The following ANAPC10 variants were observed in gnomAD, a reference collection of about 807,000 sequenced individuals.
The protein encoded by ANAPC10 is anaphase promoting complex subunit 10.
Under a neutral mutation model 22.0 loss-of-function variants are expected in ANAPC10, and 12 were observed. The observed-to-expected ratio is 0.55, with a 90% CI of 0.35 to 0.88. The LOEUF is 0.88. Among genes scored for constraint, ANAPC10 ranks in the 40% least tolerant of loss-of-function variants. The pLI is 0.01. For synonymous variants in ANAPC10, 65 were observed against 69.5 expected (o/e 0.94, Z 0.32); for missense variants, 188 against 220.9 (o/e 0.85, Z 0.94).
chr4:145,012,174 GTGTA>G (rs763388211), intron 4 of ANAPC10, among the ~76,000 whole-genome samples: 7 of 133,458 alleles, frequency 5.2e-5, no homozygotes, highest in African/African-American at 1.1e-4. Context: ...ATGTGTGTGT[GTGTA>G]TATATATATA....
chr4:145,020,768 G>A (rs1181171108), intron 4 of ANAPC10, among the ~76,000 whole-genome samples: 1 of 151,664 alleles, frequency 6.6e-6, no homozygotes, highest in Non-Finnish European at 1.5e-5. Flanking sequence ...CAAATCAGTA[G>A]CTCTCCCATA....
chr4:145,079,385 C>G (rs1375524826), intron 3 of ANAPC10, among the ~76,000 whole-genome samples: 1 of 152,102 alleles, frequency 6.6e-6, no homozygotes, highest in African/African-American at 2.4e-5. Flanking sequence ...ATAACAGATG[C>G]TGGTGAAGTT....
chr4:145,029,937 G>A (rs987160195), intron 4 of ANAPC10, among the ~76,000 whole-genome samples: 3 of 152,170 alleles, frequency 2.0e-5, no homozygotes, highest in African/African-American at 4.8e-5. Flanking sequence ...ATCTAACGAT[G>A]AGAACCACGG....
At chr4:145,041,216 T>C (rs1405260479) in intron 4 of ANAPC10, among the ~76,000 whole-genome samples, 1 of 152,192 alleles carries the variant, frequency 6.6e-6, no homozygotes, top group Admixed American at 6.5e-5. Context: ...TGTCTAACAA[T>C]AGTTAAGGTG....
intron 4 of ANAPC10, among the ~76,000 whole-genome samples, chr4:145,015,188 A>C (rs182222605): frequency 6.6e-6 from 1 of 152,114 alleles, no homozygotes; most frequent in Non-Finnish European, 1.5e-5. Context: ...AATCCAAAAA[A>C]TGATACAAGA....
intron 4 of ANAPC10, among the ~76,000 whole-genome samples, chr4:145,052,832 G>C (rs1420255013): frequency 6.7e-6 from 1 of 149,670 alleles, no homozygotes; most frequent in Non-Finnish European, 1.5e-5. Context: ...AGGTTGCAGT[G>C]AGCCGAGATT....
At chr4:145,081,569 G>T (rs1254051980) in intron 3 of ANAPC10, 91 bp downstream of exon 3, 3 of 822,324 alleles carry the variant, frequency 3.6e-6, no homozygotes, top group African/African-American at 1.8e-5. Context: ...GTATTTCATT[G>T]TAATTTCTAT....
rs577657721 is a variant in ANAPC10, at chr4:144,999,858, T to C, written c.328-4255A>G. ...TGGTACTGATACCAAAACAGAGATA[T>C]AGACCAATGCAACAGAACAGAGGCC... On this transcript the variant is annotated intron_variant, in intron 4 of 4. Coordinates refer to ENST00000507656, the MANE Select transcript of ANAPC10 (RefSeq NM_001256706.2). Among the ~76,000 whole-genome samples, 20 of 152,214 alleles carry C rather than the reference T, an allele frequency of 1.3e-4. 1 individual carries two copies. In the South Asian group the frequency reaches 2.7e-3, roughly 21 times the overall value.
At chr4:145,045,597 T>C (rs896725334) in intron 4 of ANAPC10, among the ~76,000 whole-genome samples, 2 of 152,162 alleles carry the variant, frequency 1.3e-5, no homozygotes, top group African/African-American at 4.8e-5. Context: ...AAAAGTTTAC[T>C]AAGATACAAT....
In ANAPC10 at chr4:145,055,277, G is replaced by A. The variant is rs147690371; in HGVS notation, c.327+9295C>T. Reference sequence around the variant, plus strand: ...ATTCTTTGGTCTTTAAAAAAAAGGAGGCCAGTGAGGTAGCTCAGGCCTGTA... The same window carrying A: ...ATTCTTTGGTCTTTAAAAAAAAGGAAGCCAGTGAGGTAGCTCAGGCCTGTA... On this transcript the variant is annotated intron_variant, in intron 4 of 4. Transcript: ENST00000507656. Among the ~76,000 whole-genome samples, 512 of 152,236 alleles carry A rather than the reference G, an allele frequency of 3.4e-3. 1 individual carries two copies. The highest frequency in any genetic ancestry group is 3.3e-3 in the Non-Finnish European group (226 of 68,018).
chr4:145,026,133 C>T (rs1256630102), intron 4 of ANAPC10, among the ~76,000 whole-genome samples: 1 of 152,178 alleles, frequency 6.6e-6, no homozygotes, highest in Non-Finnish European at 1.5e-5. Flanking sequence ...ATCTCACCTC[C>T]CATCCCTTGC....
intron 4 of ANAPC10, among the ~76,000 whole-genome samples, chr4:145,008,297 A>G (rs1733742834): frequency 6.6e-6 from 1 of 152,202 alleles, no homozygotes; most frequent in African/African-American, 2.4e-5. Context: ...AACTATTCCA[A>G]TCAATAGAAA....
At chr4:145,004,623 T>C (rs1733067398) in intron 4 of ANAPC10, among the ~76,000 whole-genome samples, 1 of 152,204 alleles carries the variant, frequency 6.6e-6, no homozygotes, top group South Asian at 2.1e-4. Context: ...TTTTCAGTTG[T>C]TTATGTGGTG....
At chr4:145,043,278 AAAAC>A (rs200158028) in intron 4 of ANAPC10, among the ~76,000 whole-genome samples, 2,737 of 152,304 alleles carry the variant, frequency 0.018, 92 homozygotes, top group African/African-American at 0.062. Flanking sequence ...TTTTGACTAA[AAAAC>A]AATTCTAATT....
At chr4:145,064,487 C>G in intron 4 of ANAPC10, 85 bp downstream of exon 4, 1 of 1,040,696 alleles carries the variant, frequency 9.6e-7, no homozygotes. Flanking sequence ...ACATTTTAAC[C>G]TGTCTAATGT....
At chr4:145,031,757 T>C (rs1737619727) in intron 4 of ANAPC10, among the ~76,000 whole-genome samples, 1 of 152,224 alleles carries the variant, frequency 6.6e-6, no homozygotes, top group South Asian at 2.1e-4. Flanking sequence ...GGAGGCCTCT[T>C]GGATTTCACA....
intron 3 of ANAPC10, among the ~76,000 whole-genome samples, chr4:145,079,644 T>C (rs1745679025): frequency 6.6e-6 from 1 of 152,122 alleles, no homozygotes; most frequent in African/African-American, 2.4e-5. Flanking sequence ...CCATCAACAG[T>C]GGACTGGATA....
At chr4:145,031,517 T>C (rs1737576324) in intron 4 of ANAPC10, among the ~76,000 whole-genome samples, 2 of 152,138 alleles carry the variant, frequency 1.3e-5, no homozygotes, top group South Asian at 4.1e-4. Flanking sequence ...AGGCAACACA[T>C]TTCTCATTTG....
chr4:145,000,792 C>T (rs1189977907), intron 4 of ANAPC10, among the ~76,000 whole-genome samples: 1 of 152,194 alleles, frequency 6.6e-6, no homozygotes, highest in Non-Finnish European at 1.5e-5. Flanking sequence ...TTGGAACCAA[C>T]CCAACTGTCC....
Sources: gnomAD v4.1 joint callset for allele counts (sites outside exome capture counted in the v4.1 genomes callset) on GRCh38, gnomAD v4.1.1 for gene constraint, MANE v1.5 for transcripts, NCBI Gene and HGNC (gene_info 2026-07-23, HGNC 2026-07-21) for gene names.